The following SPOCK3 variants were observed in gnomAD, a reference collection of about 807,000 sequenced individuals.
SPOCK3 encodes the protein SPARC (osteonectin), cwcv and kazal like domains proteoglycan 3, also known as testican-3.
A neutral mutation model predicts 56.6 loss-of-function variants in SPOCK3; 30 were observed. That is an observed-to-expected ratio of 0.53 (90% CI 0.40 to 0.72). The LOEUF (loss-of-function observed/expected upper bound fraction) is 0.72. SPOCK3 is among the 30% of genes least tolerant of loss of function. The pLI is 0.00. For synonymous variants in SPOCK3, 196 were observed against 183.3 expected, an observed-to-expected ratio of 1.07 and a Z score of -0.56; for missense variants, 527 against 530.0, an observed-to-expected ratio of 0.99 and a Z score of 0.06.
At chr4:166,889,654 AC>A (rs1411645669) in intron 5 of SPOCK3, among the ~76,000 whole-genome samples, 16 of 151,948 alleles carry the variant, frequency 1.1e-4, no homozygotes, top group Non-Finnish European at 2.2e-4. Flanking sequence ...GTCTTCTCTT[AC>A]TTATTGGACT....
At chr4:166,817,312 T>C (rs1323158515) in intron 6 of SPOCK3, among the ~76,000 whole-genome samples, 1 of 152,074 alleles carries the variant, frequency 6.6e-6, no homozygotes, top group Non-Finnish European at 1.5e-5. Context: ...TTACCTCTTA[T>C]GTTCCAGGAC....
chr4:166,995,245 ATGTATG>A (rs1343431904), intron 4 of SPOCK3, among the ~76,000 whole-genome samples: 4 of 150,414 alleles, frequency 2.7e-5, no homozygotes, highest in African/African-American at 9.8e-5. Context: ...GCATGTATGT[ATGTATG>A]TGTGTGTGTG....
intron 2 of SPOCK3, chr4:167,083,383 C>T (rs1757895544): frequency 4.0e-6 from 3 of 753,148 alleles, no homozygotes; most frequent in African/African-American, 1.7e-5. Context: ...TCAACTTGCT[C>T]AACTCTAAGT....
At chr4:166,845,477 A>AT (rs914545115) in intron 6 of SPOCK3, among the ~76,000 whole-genome samples, 1 of 152,048 alleles carries the variant, frequency 6.6e-6, no homozygotes, top group Non-Finnish European at 1.5e-5. Flanking sequence ...ATAATCTTAT[A>AT]TTTTTTCTCA....
intron 3 of SPOCK3, among the ~76,000 whole-genome samples, chr4:167,038,286 A>G (rs1319086812): frequency 6.6e-6 from 1 of 152,192 alleles, no homozygotes; most frequent in Non-Finnish European, 1.5e-5. Flanking sequence ...AGAATTAAAA[A>G]TGGTTTGACC....
chr4:167,062,361 C>A (rs1755690530), intron 3 of SPOCK3, 131 bp downstream of exon 3: 3 of 548,058 alleles, frequency 5.5e-6, no homozygotes, highest in Admixed American at 3.4e-5. Context: ...AATTATTGCA[C>A]AAATTTTTCC....
rs145696699 is a variant in SPOCK3, at chr4:166,870,746, T to C, written c.589+18384A>G. 2.4e-3 allele frequency among the ~76,000 whole-genome samples: 372 copies of C among 152,214 alleles called. 2 individuals are homozygous for C. Among genetic ancestry groups the C allele is most frequent in the African/African-American group, 8.3e-3 (343 of 41,552 alleles). On this transcript the variant is annotated intron_variant, in intron 6 of 10. Coordinates refer to ENST00000357545, the MANE Select transcript of SPOCK3 (RefSeq NM_001040159.2). ...TGAATAGATATGTTAGAAAAGAAGA[T>C]AACCTAAGTTTCCTGATATAGTTTG...
chr4:166,741,998 T>G lies in SPOCK3; in HGVS notation c.993A>C (p.Leu331=). The G allele has an allele frequency of 6.2e-7, 1 of 1,609,830 alleles. No homozygotes were observed. The highest frequency in any genetic ancestry group is 1.7e-4 in the Middle Eastern group (1 of 6,050). ...IQKRQGVKKL[L]GQYIPLCDED... Reference sequence around the variant, plus strand: ...TCAGAAGAATGATCTATTACTCACCTAGGAGCTTCTTTACCCCTTGCCGCT... The same window carrying G: ...TCAGAAGAATGATCTATTACTCACCGAGGAGCTTCTTTACCCCTTGCCGCT... The change falls in exon 9 of 11, where the codon CTA becomes CTC. Residue 331 remains leucine (L), a splice_region_variant and synonymous_variant. Coordinates refer to ENST00000357545, the MANE Select transcript of SPOCK3 (RefSeq NM_001040159.2).
intron 4 of SPOCK3, among the ~76,000 whole-genome samples, chr4:166,931,416 A>T (rs1579692351): frequency 6.6e-6 from 1 of 152,042 alleles, no homozygotes; most frequent in Non-Finnish European, 1.5e-5. Flanking sequence ...TGGTGCACAT[A>T]AAAAAACAAA....
chr4:167,214,103 T>C (rs532329645), intron 2 of SPOCK3, among the ~76,000 whole-genome samples: 1 of 152,012 alleles, frequency 6.6e-6, no homozygotes. Context: ...GATGCAAAGA[T>C]GCAACCTTTA....
rs573478173 is a variant in SPOCK3, at chr4:167,029,325, G to A, written c.236-28862C>T. Among the ~76,000 whole-genome samples, 12 of 151,750 alleles carry A rather than the reference G, an allele frequency of 7.9e-5. No individual in the cohort carries two copies. In the South Asian group the frequency reaches 2.5e-3, roughly 31 times the overall value. ...AAAATTAGTCTCTGACCTTTTTAGA[G>A]TCATAATAAATTAAATTTACCATCT... is the stretch of plus-strand genomic sequence containing the variant. On this transcript the variant is annotated intron_variant, in intron 3 of 10. Transcript: ENST00000357545.
chr4:166,988,880 T>C (rs1329397556), intron 4 of SPOCK3, among the ~76,000 whole-genome samples: 1 of 152,168 alleles, frequency 6.6e-6, no homozygotes. Flanking sequence ...GTTATTTCTA[T>C]GATTCTCAAC....
chr4:167,067,156 G>T (rs573036641), intron 2 of SPOCK3, among the ~76,000 whole-genome samples: 1 of 151,898 alleles, frequency 6.6e-6, no homozygotes, highest in South Asian at 2.1e-4. Context: ...TAATACTCAG[G>T]CATTATGTTA....
intron 2 of SPOCK3, chr4:167,102,621 T>A (rs1759747088): frequency 6.6e-6 from 1 of 152,188 alleles, no homozygotes; most frequent in East Asian, 1.9e-4. Context: ...TGCCCTGAAC[T>A]CAGTACTGCT....
chr4:167,148,854 G>C (rs1332096278), intron 2 of SPOCK3, among the ~76,000 whole-genome samples: 1 of 151,892 alleles, frequency 6.6e-6, no homozygotes, highest in East Asian at 1.9e-4. Flanking sequence ...AGTGAACAAG[G>C]TGAATACATT....
chr4:166,937,934 CTT>C (rs548107592), intron 4 of SPOCK3, among the ~76,000 whole-genome samples: 13 of 131,548 alleles, frequency 9.9e-5, no homozygotes, highest in South Asian at 2.5e-4. Context: ...CGGCTAATCT[CTT>C]TTTTTTTTTT....
At position 166,770,065 on chromosome 4, in the gene SPOCK3, G is replaced by C. The variant is rs1454786510; in HGVS notation, c.710-15336C>G. On this transcript the variant is annotated intron_variant, in intron 7 of 10. Coordinates refer to ENST00000357545, the MANE Select transcript of SPOCK3 (RefSeq NM_001040159.2). ...CACAGTATTAGGGTGAGAGTGACTC[G>C]ATTTTCCAGGTGCCATCTATCACCC... Among the ~76,000 whole-genome samples the C allele has an allele frequency of 1.3e-5, 2 of 152,090 alleles. 1 individual carries two copies. The highest frequency in any genetic ancestry group is 4.1e-4 in the South Asian group (2 of 4,828).
intron 6 of SPOCK3, among the ~76,000 whole-genome samples, chr4:166,858,378 C>G (rs1034940217): frequency 1.3e-5 from 2 of 152,164 alleles, no homozygotes; most frequent in Non-Finnish European, 2.9e-5. Context: ...AATGGTGACT[C>G]TTCTATTAAG....
chr4:167,074,373 C>G (rs560832755), intron 2 of SPOCK3, among the ~76,000 whole-genome samples: 1 of 151,858 alleles, frequency 6.6e-6, no homozygotes, highest in Non-Finnish European at 1.5e-5. Flanking sequence ...AGGTGTCAAC[C>G]AAGGCTGCCT....
Sources: allele counts gnomAD v4.1 joint callset (sites outside exome capture counted in the v4.1 genomes callset), GRCh38; gene constraint gnomAD v4.1.1; transcripts MANE v1.5; gene names NCBI Gene and HGNC (gene_info 2026-07-23, HGNC 2026-07-21).